Variants in QTMAN observed in about 807,000 individuals in gnomAD.
QTMAN encodes queuosine-tRNA mannosyltransferase.
chr2:144,065,910 C>T, the QTMAN span, among the ~76,000 whole-genome samples: 2 of 151,880 alleles, frequency 1.3e-5, no homozygotes, highest in Non-Finnish European at 2.9e-5. Context: ...GTTGAGATGT[C>T]CCAGGAATCA....
the QTMAN span, among the ~76,000 whole-genome samples, chr2:144,031,673 A>G: frequency 6.6e-6 from 1 of 152,212 alleles, no homozygotes; most frequent in Admixed American, 6.5e-5. Context: ...TCTGTACATC[A>G]AAGTTTGAAT....
At chr2:143,947,142 C>G in the QTMAN span, 1 of 1,602,704 alleles carries the variant, frequency 6.2e-7, no homozygotes, top group Non-Finnish European at 8.5e-7. Flanking sequence ...CACCCTGCAA[C>G]GAGGAGGAGG....
chr2:144,144,856 GACAA>G, the QTMAN span, among the ~76,000 whole-genome samples: 2 of 151,796 alleles, frequency 1.3e-5, no homozygotes, highest in East Asian at 3.9e-4. Flanking sequence ...CAAAATCACT[GACAA>G]ACAGATTCCG....
chr2:144,208,649 A>G, the QTMAN span: 1 of 1,613,836 alleles, frequency 6.2e-7, no homozygotes, highest in Non-Finnish European at 8.5e-7. Context: ...TATAAAGCAG[A>G]TGTCCGGGCT....
the QTMAN span, among the ~76,000 whole-genome samples, chr2:144,314,090 T>G: frequency 6.6e-6 from 1 of 152,266 alleles, no homozygotes. Context: ...AAATGACTTA[T>G]ACAAAAATTC....
chr2:144,175,571 T>G, the QTMAN span, among the ~76,000 whole-genome samples: 1 of 152,034 alleles, frequency 6.6e-6, no homozygotes, highest in African/African-American at 2.4e-5. Context: ...TACCAAATGT[T>G]TAAAGGGCAG....
the QTMAN span, among the ~76,000 whole-genome samples, chr2:143,996,574 G>T: frequency 6.6e-6 from 1 of 152,048 alleles, no homozygotes; most frequent in East Asian, 1.9e-4. Flanking sequence ...GGTGAAGAGG[G>T]GCAGTTACAT....
chr2:144,274,505 G>T, the QTMAN span, among the ~76,000 whole-genome samples: 1 of 152,178 alleles, frequency 6.6e-6, no homozygotes, highest in Non-Finnish European at 1.5e-5. Flanking sequence ...TCTGAACGTT[G>T]ATTGAGTTGA....
the QTMAN span, among the ~76,000 whole-genome samples, chr2:143,956,115 C>G: frequency 6.6e-6 from 1 of 152,168 alleles, no homozygotes; most frequent in East Asian, 1.9e-4. Context: ...TCCTGGATAA[C>G]TTCTGTGTAT....
the QTMAN span, among the ~76,000 whole-genome samples, chr2:144,053,785 C>T: frequency 6.6e-6 from 1 of 152,180 alleles, no homozygotes; most frequent in Non-Finnish European, 1.5e-5. Flanking sequence ...TTTCGCCTTT[C>T]AGCATATTCA....
At chr2:144,022,947 C>A in the QTMAN span, among the ~76,000 whole-genome samples, 11 of 152,094 alleles carry the variant, frequency 7.2e-5, no homozygotes, top group South Asian at 2.3e-3. Flanking sequence ...CTATTTAGTC[C>A]TTCAAAAAAT....
At chr2:143,990,735 C>T in the QTMAN span, among the ~76,000 whole-genome samples, 3 of 151,978 alleles carry the variant, frequency 2.0e-5, no homozygotes, top group Non-Finnish European at 4.4e-5. Context: ...AATATAGGCT[C>T]GTGATCAAAA....
At chr2:144,271,429 T>C in the QTMAN span, among the ~76,000 whole-genome samples, 1 of 152,210 alleles carries the variant, frequency 6.6e-6, no homozygotes, top group African/African-American at 2.4e-5. Flanking sequence ...GGAACCAGAC[T>C]AGCCATTTGA....
chr2:143,970,303 G>T, the QTMAN span, among the ~76,000 whole-genome samples: 4 of 152,184 alleles, frequency 2.6e-5, no homozygotes, highest in African/African-American at 9.7e-5. Context: ...ATACCAATGT[G>T]AGCAGGATTC....
At chr2:143,966,123 G>T in the QTMAN span, among the ~76,000 whole-genome samples, 1 of 152,124 alleles carries the variant, frequency 6.6e-6, no homozygotes, top group Non-Finnish European at 1.5e-5. Flanking sequence ...TGTAAAACAG[G>T]GATGATTCTG....
the QTMAN span, among the ~76,000 whole-genome samples, chr2:143,993,139 C>T: frequency 7.5e-4 from 114 of 152,172 alleles, no homozygotes; most frequent in Middle Eastern, 0.014. Context: ...TTTATCACGG[C>T]AAATTTTTAT....
the QTMAN span, among the ~76,000 whole-genome samples, chr2:143,958,961 G>T: frequency 1.3e-5 from 2 of 151,680 alleles, no homozygotes; most frequent in Non-Finnish European, 2.9e-5. Flanking sequence ...GTGGAAAGAG[G>T]CTATGAGAAT....
chr2:144,095,374 C>G, the QTMAN span, among the ~76,000 whole-genome samples: 1 of 152,142 alleles, frequency 6.6e-6, no homozygotes, highest in African/African-American at 2.4e-5. Flanking sequence ...TCAACACATA[C>G]TTATTTGCAC....
the QTMAN span, among the ~76,000 whole-genome samples, chr2:143,955,742 C>G: frequency 6.6e-6 from 1 of 152,202 alleles, no homozygotes; most frequent in Non-Finnish European, 1.5e-5. Flanking sequence ...ATCATGACCA[C>G]CCACTAAGGT....
Sources: allele counts gnomAD v4.1 joint callset (sites outside exome capture counted in the v4.1 genomes callset), GRCh38; gene constraint gnomAD v4.1.1; transcripts MANE v1.5; gene names NCBI Gene and HGNC (gene_info 2026-07-23, HGNC 2026-07-21).